NABP1: variants seen among roughly 807,000 people sequenced by gnomAD.
NABP1 encodes the protein nucleic acid binding protein 1.
In NABP1, 18 loss-of-function variants were observed where a neutral mutation model predicts 25.0. That is an observed-to-expected ratio of 0.72 (90% CI 0.50 to 1.07). The LOEUF (loss-of-function observed/expected upper bound fraction) is 1.07, where lower values mean the gene tolerates loss of function less well. Ranked by LOEUF, NABP1 falls within the 50% of genes least tolerant of loss-of-function variation. The probability of loss-of-function intolerance (pLI) is 0.00; values close to 1 mark genes in which losing one functional copy is unlikely to be tolerated. For synonymous variants in NABP1, 71 were observed against 85.0 expected, an observed-to-expected ratio of 0.84 and a Z score of 0.91; for missense variants, 270 against 255.6, an observed-to-expected ratio of 1.06 and a Z score of -0.39.
In NABP1 at chr2:191,678,512, C is replaced by A; in HGVS notation, c.-103C>A. ...TGCCCCTTCTCTCGCCACCCCTGCC[C>A]AAGGTCGCCCCTCTGCCTTCGCCCC... On this transcript the variant is annotated 5_prime_UTR_variant, in exon 1 of 6. Coordinates refer to ENST00000425611, the MANE Select transcript of NABP1 (RefSeq NM_001031716.5). The A allele has an allele frequency of 1.3e-6, 1 of 752,210 alleles. No individual in the cohort carries two copies. The highest frequency in any genetic ancestry group is 2.1e-6 in the Non-Finnish European group (1 of 466,604). The allele number at this position is 752,210 out of a possible 1,614,324, so 46.6% of individuals were successfully genotyped here.
Position 191,678,537 on chromosome 2 carries a change from C to T in NABP1, c.-78C>T. Reference sequence around the variant, plus strand: ...CAAGGTCGCCCCTCTGCCTTCGCCCCTGTCCCGGGAGGGTGGGAAGCTTTG... The same window carrying T: ...CAAGGTCGCCCCTCTGCCTTCGCCCTTGTCCCGGGAGGGTGGGAAGCTTTG... On this transcript the variant is annotated 5_prime_UTR_variant, in exon 1 of 6. Transcript: ENST00000425611. 1 of 1,080,384 alleles carries T rather than the reference C, an allele frequency of 9.3e-7. No homozygotes were observed. The highest frequency in any genetic ancestry group is 1.4e-6 in the Non-Finnish European group (1 of 734,558). 66.9% of individuals were successfully genotyped at this position (1,080,384 alleles called of 1,614,324 possible).
chr2:191,683,478 GA>G lies in NABP1; in HGVS notation c.303-250del, dbSNP rs1418955793. ...TTTTTGTGTCCTTGATTTTTGATGTGATTTTTTTTTCAGCACTAAAGAAGAA... is the reference window on the plus strand; with the variant it reads ...TTTTTGTGTCCTTGATTTTTGATGTGTTTTTTTTTCAGCACTAAAGAAGAA... On this transcript the variant is annotated intron_variant, in intron 3 of 5. Transcript: ENST00000425611. This position sits in a 1 kb window ranked among gnomAD's most constrained non-coding sequence, Gnocchi z 4.1. 8 of 374,150 alleles carry G rather than the reference GA, an allele frequency of 2.1e-5. No individual in the cohort carries two copies. Among genetic ancestry groups the G allele is most frequent in the Non-Finnish European group, 3.8e-5 (8 of 207,816 alleles). 23.2% of individuals were successfully genotyped at this position (374,150 alleles called of 1,614,324 possible).
intron 5 of NABP1, 26 bp from the exon 6 acceptor site, chr2:191,685,573 T>G (rs1275848710): frequency 1.3e-6 from 2 of 1,583,162 alleles, no homozygotes; most frequent in African/African-American, 1.4e-5. Flanking sequence ...CTGAAAATAG[T>G]GATGAATTTT....
Position 191,685,733 on chromosome 2 carries a change from A to G in NABP1, c.580A>G (p.Asn194Asp). 3 of 1,614,178 alleles carry G rather than the reference A, an allele frequency of 1.9e-6. No homozygotes were observed. Among genetic ancestry groups the G allele is most frequent in the Non-Finnish European group, 2.5e-6 (3 of 1,180,006 alleles). The part of the protein sequence containing the change: ...SNQTVMTTIS[N>D]GRDPRRAFKR ...TCAAACAGTGATGACCACAATAAGT[A>G]ATGGCAGGGACCCTCGGAGAGCCTT... The change falls in exon 6 of 6, where the codon AAT (asparagine) becomes GAT (aspartate). Residue 194 changes from asparagine (N) to aspartate (D), a missense_variant. Transcript: ENST00000425611.
intron 2 of NABP1, 21 bp from the exon 3 acceptor site, chr2:191,681,925 T>G (rs1687695726): frequency 7.1e-7 from 1 of 1,415,344 alleles, no homozygotes; most frequent in South Asian, 1.4e-5. Flanking sequence ...TCTAAAGAAT[T>G]AATGTTTCTT....
rs772961018 is a variant in NABP1 at position 191,678,620 on chromosome 2, T to C, written c.6T>C (p.Asn2=). 6.2e-7 allele frequency: 1 copy of C among 1,610,498 alleles called. No homozygotes were observed. Among genetic ancestry groups the C allele is most frequent in the South Asian group, 1.1e-5 (1 of 90,922 alleles). ...GTAGCCGCGCCTGTCCCAATATGAA[T>C]AGGGTCAACGACCCACTTATTTTTA... is the stretch of plus-strand genomic sequence containing the variant. M[N]RVNDPLIFIR... is the part of the protein sequence containing the mutation. Residue 2 remains asparagine, a synonymous_variant, in exon 1 of 6, where the codon AAT becomes AAC. Coordinates refer to ENST00000425611, the MANE Select transcript of NABP1 (RefSeq NM_001031716.5).
At chr2:191,678,949 TTATC>T (rs1421751765) in intron 1 of NABP1, 37 bp from the exon 2 acceptor site, 1 of 1,613,924 alleles carries the variant, frequency 6.2e-7, no homozygotes, top group Non-Finnish European at 8.5e-7. Context: ...GATGTCCTCA[TTATC>T]TAACAACCCC....
intron 5 of NABP1, chr2:191,684,888 G>GT (rs1458194672): frequency 6.6e-6 from 1 of 152,468 alleles, no homozygotes; most frequent in Non-Finnish European, 1.5e-5. Flanking sequence ...GTCTTACGCT[G>GT]TTGCCCAGAC....
chr2:191,678,815 C>G, intron 1 of NABP1, 110 bp downstream of exon 1: 2 of 1,231,084 alleles, frequency 1.6e-6, no homozygotes, highest in South Asian at 1.4e-5. Flanking sequence ...CTCCCCTCCC[C>G]CACCCACGTG....
intron 2 of NABP1, among the ~76,000 whole-genome samples, chr2:191,681,525 AG>A (rs1427629916): frequency 6.6e-6 from 1 of 152,174 alleles, no homozygotes; most frequent in Non-Finnish European, 1.5e-5. Context: ...TGGAGGCAGA[AG>A]GAAAACTGTT....
intron 3 of NABP1, chr2:191,682,632 G>T (rs947961921): frequency 6.4e-6 from 3 of 468,022 alleles, no homozygotes; most frequent in Admixed American, 2.4e-5. Context: ...ACATTGGGTT[G>T]TATTCATAAA....
At chr2:191,682,259 C>T in intron 3 of NABP1, 2 of 416,806 alleles carry the variant, frequency 4.8e-6, no homozygotes, top group Non-Finnish European at 8.8e-6. Context: ...CAGTTGAGAC[C>T]AGCCCTAGTG....
At chr2:191,681,207 T>G (rs1687677116) in intron 2 of NABP1, among the ~76,000 whole-genome samples, 1 of 152,192 alleles carries the variant, frequency 6.6e-6, no homozygotes, top group African/African-American at 2.4e-5. Flanking sequence ...AACTGTATAG[T>G]AAGTTAAAGT....
At chr2:191,681,027 A>T (rs763990148) in intron 2 of NABP1, among the ~76,000 whole-genome samples, 1 of 152,178 alleles carries the variant, frequency 6.6e-6, no homozygotes, top group Non-Finnish European at 1.5e-5. Flanking sequence ...TCATTTCTTA[A>T]AGTGAATGTT....
chr2:191,678,763 G>T, intron 1 of NABP1, 58 bp downstream of exon 1: 6 of 1,503,452 alleles, frequency 4.0e-6, no homozygotes, highest in Non-Finnish European at 4.5e-6. Flanking sequence ...GCGGGAGACA[G>T]GGGCGCCGGC....
chr2:191,685,382 T>A (rs1687788397), intron 5 of NABP1, among the ~76,000 whole-genome samples: 1 of 152,230 alleles, frequency 6.6e-6, no homozygotes, highest in South Asian at 2.1e-4. Context: ...GATGCCCAAG[T>A]TGGCTTTTTT....
At position 191,679,061 on chromosome 2, in the gene NABP1, A is replaced by G. The variant is rs773620836; in HGVS notation, c.163A>G (p.Thr55Ala). ...AGTAGCAGATAAAACGGGCAGCATC[A>G]CTATTTCCGTGTGGGATGAGATCGG... ...CKVADKTGSITISVWDEIGGL... is the reference protein window; with the variant it reads ...CKVADKTGSIAISVWDEIGGL... The change falls in exon 2 of 6, where the codon ACT becomes GCT. Residue 55 changes from threonine to alanine, a missense_variant. Coordinates refer to ENST00000425611, the MANE Select transcript of NABP1 (RefSeq NM_001031716.5). 2.5e-6 allele frequency: 4 copies of G among 1,614,088 alleles called. No individual in the cohort carries two copies. The highest frequency in any genetic ancestry group is 3.3e-5 in the Admixed American group (2 of 60,004).
intron 3 of NABP1, chr2:191,682,844 G>A (rs1197058528): frequency 3.9e-6 from 1 of 256,328 alleles, no homozygotes; most frequent in Non-Finnish European, 7.9e-6. Context: ...GAAAAGAAAT[G>A]ATCATGCTAG....
Position 191,683,819 on chromosome 2 carries a change from T to C in NABP1, c.378+15T>C. On this transcript the variant is annotated intron_variant, in intron 4 of 5. Transcript: ENST00000425611. This position sits in a 1 kb window ranked among gnomAD's most constrained non-coding sequence, Gnocchi z 4.1. The stretch of plus-strand genomic sequence containing the variant: ...AGAACAAAGGGGTAATTGTGTAGTA[T>C]ACTTTTATGATTAGGCTAATTTTGA... 1 of 1,585,930 alleles carries C rather than the reference T, an allele frequency of 6.3e-7. No homozygotes were observed. Among genetic ancestry groups the C allele is most frequent in the Non-Finnish European group, 8.6e-7 (1 of 1,164,286 alleles).
Sources: gnomAD v4.1 joint callset for allele counts (sites outside exome capture counted in the v4.1 genomes callset) on GRCh38, gnomAD v4.1.1 for gene constraint, Gnocchi (gnomAD v3.1) non-coding constraint, MANE v1.5 for transcripts, NCBI Gene and HGNC (gene_info 2026-07-23, HGNC 2026-07-21) for gene names.